RAPGEF1: variants seen among roughly 807,000 people sequenced by gnomAD.
RAPGEF1 encodes CRK SH3-binding GNRP.
In RAPGEF1, 33 loss-of-function variants were observed where a neutral mutation model predicts 143.3. That is an observed-to-expected ratio of 0.23 (90% CI 0.17 to 0.31). The LOEUF is 0.31. Ranked by LOEUF, RAPGEF1 falls within the 10% of genes least tolerant of loss-of-function variation. RAPGEF1 has a pLI of 1.00. For synonymous variants in RAPGEF1, 629 were observed against 676.5 expected, an observed-to-expected ratio of 0.93 and a Z score of 1.09; for missense variants, 1,199 against 1,645.4, an observed-to-expected ratio of 0.73 and a Z score of 4.69.
chr9:131,582,661 G>A lies in RAPGEF1; in HGVS notation c.3456C>T (p.Ser1152=), dbSNP rs1952048291. Residue 1152 remains serine, a synonymous_variant, in exon 25 of 27, where the codon TCC becomes TCT. Coordinates refer to ENST00000683357, the MANE Select transcript of RAPGEF1 (RefSeq NM_001377935.1). ...AGAGGGCGGCCCGGTAGGCTCGGAA[G>A]GAGGACGAGCTGTCGATCAGTGTGC... is the stretch of plus-strand genomic sequence containing the variant. ...EYCTLIDSSS[S]FRAYRAALSE... The A allele has an allele frequency of 2.6e-6, 4 of 1,539,634 alleles. No homozygotes were observed. The East Asian group carries it at 1.1e-4, about 40-fold the overall frequency.
intron 5 of RAPGEF1, among the ~76,000 whole-genome samples, chr9:131,632,229 T>C (rs1480409998): frequency 1.3e-5 from 2 of 151,188 alleles, no homozygotes; most frequent in African/African-American, 4.9e-5. Flanking sequence ...CCTGGGTTCA[T>C]GCCATTCTTC....
intron 1 of RAPGEF1, among the ~76,000 whole-genome samples, chr9:131,660,038 T>G (rs1056747143): frequency 2.0e-5 from 3 of 152,180 alleles, no homozygotes; most frequent in African/African-American, 7.2e-5. Flanking sequence ...CAGGATGGTC[T>G]CGATCTCCTG....
At chr9:131,694,038 C>T (rs1833963342) in intron 1 of RAPGEF1, among the ~76,000 whole-genome samples, 1 of 152,020 alleles carries the variant, frequency 6.6e-6, no homozygotes, top group Non-Finnish European at 1.5e-5. Flanking sequence ...ACAGGCCCTA[C>T]AAAATCCATC....
intron 1 of RAPGEF1, among the ~76,000 whole-genome samples, chr9:131,656,706 C>T (rs563345140): frequency 1.3e-5 from 2 of 152,310 alleles, no homozygotes; most frequent in East Asian, 3.9e-4. Flanking sequence ...CTGGGGTAGA[C>T]AAGTGAGGTG....
chr9:131,672,622 G>A (rs747418857), intron 1 of RAPGEF1, among the ~76,000 whole-genome samples: 5 of 152,302 alleles, frequency 3.3e-5, no homozygotes, highest in African/African-American at 7.2e-5. Context: ...GGCCAAAGAC[G>A]GGGAGGGGCT....
Position 131,580,285 on chromosome 9 carries a change from T to A in RAPGEF1, c.3619A>T (p.Ser1207Cys). Residue 1207 changes from serine (S) to cysteine (C), a missense_variant, in exon 26 of 27, where the codon AGC becomes TGC. Transcript: ENST00000683357. ...KRWQQFNILD[S>C]MRCFQQAHYD... The stretch of plus-strand genomic sequence containing the variant: ...CACGCCTGCTGGAAGCAGCGCATGC[T>A]GTCGAGGATGTTGAACTGCTGCCAC... 6.2e-7 allele frequency: 1 copy of A among 1,614,006 alleles called. No homozygotes were observed. Among genetic ancestry groups the A allele is most frequent in the Non-Finnish European group, 8.5e-7 (1 of 1,179,862 alleles).
At chr9:131,709,921 C>T in intron 1 of RAPGEF1, 1 of 985,422 alleles carries the variant, frequency 1.0e-6, no homozygotes, top group Non-Finnish European at 1.2e-6. Flanking sequence ...CTTGTTATCG[C>T]CCTACCGGTG....
rs183827473 is a variant in RAPGEF1, at chr9:131,670,806, G to T, written c.62-19857C>A. On this transcript the variant is annotated intron_variant, in intron 1 of 26. Transcript: ENST00000683357. ...GGGTTGGGGAAGAACATATATTTCA[G>T]TGATGCCTGGAATTGCCAACATTTG... 1.4e-3 allele frequency among the ~76,000 whole-genome samples: 220 copies of T among 152,332 alleles called. 1 individual carries two copies. The Middle Eastern group carries it at 0.02, about 14-fold the overall frequency.
rs1009590899 is a variant in RAPGEF1 at position 131,655,777 on chromosome 9, C to T, written c.62-4828G>A. ...AATTTTTTTGTATTTTTAGTAGAGACGGGGTGTCACCGTGTTAGCCAGGAT... is the reference window on the plus strand; with the variant it reads ...AATTTTTTTGTATTTTTAGTAGAGATGGGGTGTCACCGTGTTAGCCAGGAT... On this transcript the variant is annotated intron_variant, in intron 1 of 26. Transcript: ENST00000683357. This position sits in a 1 kb window ranked among gnomAD's most constrained non-coding sequence, Gnocchi z 4.1. Among the ~76,000 whole-genome samples the T allele has an allele frequency of 2.0e-5, 3 of 152,070 alleles. No homozygotes were observed. The highest frequency in any genetic ancestry group is 4.8e-5 in the African/African-American group (2 of 41,398).
At chr9:131,588,065 G>A in intron 20 of RAPGEF1, 39 bp from the exon 21 acceptor site, 1 of 1,548,132 alleles carries the variant, frequency 6.5e-7, no homozygotes, top group Non-Finnish European at 8.8e-7. Context: ...TCAGGGGTGG[G>A]GAGGCCGGTG....
At chr9:131,618,211 A>C (rs1465350667) in intron 12 of RAPGEF1, among the ~76,000 whole-genome samples, 1 of 152,170 alleles carries the variant, frequency 6.6e-6, no homozygotes, top group African/African-American at 2.4e-5. Flanking sequence ...TCCATTTGTT[A>C]TTTTTGGAAG....
intron 1 of RAPGEF1, among the ~76,000 whole-genome samples, chr9:131,690,151 A>G (rs1428810061): frequency 6.6e-6 from 1 of 152,244 alleles, no homozygotes; most frequent in Non-Finnish European, 1.5e-5. Flanking sequence ...TAAGGTTACC[A>G]AGAGTTAAAA....
At chr9:131,609,527 CCA>C (rs1334996718) in intron 12 of RAPGEF1, among the ~76,000 whole-genome samples, 2 of 151,858 alleles carry the variant, frequency 1.3e-5, no homozygotes, top group Non-Finnish European at 1.5e-5. Flanking sequence ...CATGCAAAGC[CCA>C]GTGAGCTGAG....
intron 12 of RAPGEF1, among the ~76,000 whole-genome samples, chr9:131,606,291 G>C (rs1018925501): frequency 1.3e-5 from 2 of 152,180 alleles, no homozygotes; most frequent in East Asian, 3.9e-4. Context: ...ACCACGTGGA[G>C]AGAATCTAAT....
intron 1 of RAPGEF1, among the ~76,000 whole-genome samples, chr9:131,732,975 T>C (rs889707005): frequency 3.3e-5 from 5 of 152,140 alleles, no homozygotes; most frequent in African/African-American, 4.8e-5. Context: ...TACTCAAGCA[T>C]TGATCTGGGG....
chr9:131,622,096 T>TG, intron 10 of RAPGEF1, 98 bp from the exon 11 acceptor site: 6 of 1,170,568 alleles, frequency 5.1e-6, no homozygotes, highest in Non-Finnish European at 6.2e-6. Flanking sequence ...GGCTTTCCAC[T>TG]GAAAGCACCT....
intron 1 of RAPGEF1, among the ~76,000 whole-genome samples, chr9:131,687,578 C>G (rs1026191300): frequency 6.6e-6 from 1 of 152,158 alleles, no homozygotes; most frequent in Non-Finnish European, 1.5e-5. Flanking sequence ...TTTAAAATGC[C>G]TCAAGAGTAA....
intron 1 of RAPGEF1, among the ~76,000 whole-genome samples, chr9:131,690,365 A>T (rs945136053): frequency 6.6e-6 from 1 of 152,242 alleles, no homozygotes; most frequent in African/African-American, 2.4e-5. Context: ...TCGATCAGAA[A>T]ATGGTAAAAG....
chr9:131,674,279 C>T (rs183530109), intron 1 of RAPGEF1, among the ~76,000 whole-genome samples: 1 of 152,248 alleles, frequency 6.6e-6, no homozygotes, highest in Non-Finnish European at 1.5e-5. Flanking sequence ...ATCGGGGGTG[C>T]TTCAAATGGG....
Sources: allele counts gnomAD v4.1 joint callset (sites outside exome capture counted in the v4.1 genomes callset), GRCh38; gene constraint gnomAD v4.1.1; non-coding constraint Gnocchi (gnomAD v3.1); transcripts MANE v1.5; gene names NCBI Gene and HGNC (gene_info 2026-07-23, HGNC 2026-07-21).